Variants in ATXN10 observed in about 807,000 individuals in gnomAD.
ATXN10 encodes ataxin-10.
A neutral mutation model predicts 52.9 loss-of-function variants in ATXN10; 28 were observed. The ratio of observed to expected loss-of-function variants is 0.53; its 90% CI spans 0.39 to 0.73. The LOEUF is 0.73. Ranked by LOEUF, ATXN10 falls within the 30% of genes least tolerant of loss-of-function variation. The pLI is 0.00. For synonymous variants in ATXN10, 226 were observed against 221.5 expected (o/e 1.02, Z -0.18); for missense variants, 565 against 577.0 (o/e 0.98, Z 0.21).
chr22:45,697,278 G>A (rs771692960), intron 3 of ATXN10, among the ~76,000 whole-genome samples: 1 of 151,926 alleles, frequency 6.6e-6, no homozygotes, highest in Non-Finnish European at 1.5e-5. Flanking sequence ...GGGATTACAG[G>A]CACCCACCAC....
At chr22:45,803,858 C>G (rs1928011469) in intron 9 of ATXN10, among the ~76,000 whole-genome samples, 1 of 152,002 alleles carries the variant, frequency 6.6e-6, no homozygotes, top group African/African-American at 2.4e-5. Context: ...TCATTACCAA[C>G]TTGGCCATAA....
At position 45,744,152 on chromosome 22, in the gene ATXN10, A is replaced by G. The variant is rs953426070; in HGVS notation, c.1173+3614A>G. Among the ~76,000 whole-genome samples, 5 of 152,146 alleles carry G rather than the reference A, an allele frequency of 3.3e-5. No homozygotes were observed. Among genetic ancestry groups the G allele is most frequent in the Admixed American group, 2.0e-4 (3 of 15,276 alleles). On this transcript the variant is annotated intron_variant, in intron 9 of 11. Coordinates refer to ENST00000252934, the MANE Select transcript of ATXN10 (RefSeq NM_013236.4). The surrounding 1 kb of genome is among the most constrained non-coding windows in gnomAD (Gnocchi z 4.9). ...GACGGGTAATTCAGGCAAGGTATTA[A>G]TATCTTCTGTGGAGCTTCCATTCTG...
intron 9 of ATXN10, among the ~76,000 whole-genome samples, chr22:45,751,852 T>G (rs1251943631): frequency 6.7e-6 from 1 of 149,474 alleles, no homozygotes; most frequent in African/African-American, 2.4e-5. Context: ...AGTTTTTTTT[T>G]TTTTTTTTTT....
At chr22:45,703,948 C>CA (rs201952652) in intron 5 of ATXN10, 1,536 of 152,406 alleles carry the variant, frequency 0.01, 30 homozygotes, top group African/African-American at 0.035. Context: ...AGGAGGATCA[C>CA]AAGCTATTCA....
At chr22:45,817,481 C>T (rs1928504211) in intron 10 of ATXN10, among the ~76,000 whole-genome samples, 1 of 152,000 alleles carries the variant, frequency 6.6e-6, no homozygotes, top group Non-Finnish European at 1.5e-5. Flanking sequence ...CATGCCACGA[C>T]GCCTGGCTAA....
At position 45,816,185 on chromosome 22, in the gene ATXN10, G is replaced by A. The variant is rs570497643; in HGVS notation, c.1237+9163G>A. On this transcript the variant is annotated intron_variant, in intron 10 of 11. Transcript: ENST00000252934. The surrounding 1 kb of genome is among the most constrained non-coding windows in gnomAD (Gnocchi z 5.8). ...GGAGAATCGCTTGAACCTGCAAGGC[G>A]CAGGTTGTAGTGAGCTGAGATTGTG... Among the ~76,000 whole-genome samples, 16 of 152,280 alleles carry A rather than the reference G, an allele frequency of 1.1e-4. No homozygotes were observed. In the South Asian group the frequency reaches 2.7e-3, roughly 26 times the overall value.
intron 9 of ATXN10, among the ~76,000 whole-genome samples, chr22:45,748,548 G>T (rs889456099): frequency 3.9e-5 from 6 of 152,156 alleles, no homozygotes; most frequent in Non-Finnish European, 7.3e-5. Flanking sequence ...AAGAGCTGAA[G>T]TGTTTTCCGC....
chr22:45,791,863 C>T (rs1242176476), intron 9 of ATXN10, among the ~76,000 whole-genome samples: 1 of 152,078 alleles, frequency 6.6e-6, no homozygotes, highest in African/African-American at 2.4e-5. Context: ...AATACATGTT[C>T]TGTTTCTTGA....
chr22:45,807,945 G>C (rs1345571372), intron 10 of ATXN10, among the ~76,000 whole-genome samples: 1 of 152,208 alleles, frequency 6.6e-6, no homozygotes, highest in South Asian at 2.1e-4. Context: ...GAAGAGAAAA[G>C]CAGCTGATGA....
chr22:45,729,077 G>A (rs1043688057), intron 6 of ATXN10, among the ~76,000 whole-genome samples: 1 of 152,204 alleles, frequency 6.6e-6, no homozygotes, highest in East Asian at 1.9e-4. Context: ...AATGGTGAAT[G>A]AATGTTAGCC....
intron 10 of ATXN10, among the ~76,000 whole-genome samples, chr22:45,834,039 C>G (rs1016763887): frequency 2.0e-5 from 3 of 152,190 alleles, no homozygotes; most frequent in African/African-American, 7.2e-5. Flanking sequence ...GGATTGAATG[C>G]TTTCACACTT....
At chr22:45,725,472 TG>T (rs1924831846) in intron 6 of ATXN10, among the ~76,000 whole-genome samples, 1 of 151,964 alleles carries the variant, frequency 6.6e-6, no homozygotes, top group Non-Finnish European at 1.5e-5. Context: ...GCTTAGTTAT[TG>T]TTGATGTATA....
At position 45,840,685 on chromosome 22, in the gene ATXN10, G is replaced by A. The variant is rs145219134; in HGVS notation, c.1238-2306G>A. 6.3e-4 allele frequency among the ~76,000 whole-genome samples: 96 copies of A among 152,322 alleles called. No homozygotes were observed. Among genetic ancestry groups the A allele is most frequent in the African/African-American group, 2.2e-3 (92 of 41,572 alleles). ...CCAGAGACATCCTGCGTTTGCTGCT[G>A]GCAGTGACGGTGCTGGCACCAGACT... On this transcript the variant is annotated intron_variant, in intron 10 of 11. Coordinates refer to ENST00000252934, the MANE Select transcript of ATXN10 (RefSeq NM_013236.4). The surrounding 1 kb of genome is among the most constrained non-coding windows in gnomAD (Gnocchi z 5.8).
chr22:45,680,628 A>AT (rs2146726496), intron 1 of ATXN10, among the ~76,000 whole-genome samples: 1 of 150,876 alleles, frequency 6.6e-6, no homozygotes, highest in East Asian at 2.0e-4. Context: ...GCTAATTAAA[A>AT]ATTTTTTTTT....
In ATXN10 at chr22:45,718,794, G is replaced by T. The variant is rs367621343; in HGVS notation, c.728+301G>T. Among the ~76,000 whole-genome samples the T allele has an allele frequency of 4.6e-5, 7 of 152,280 alleles. No individual in the cohort carries two copies. The highest frequency in any genetic ancestry group is 1.4e-4 in the African/African-American group (6 of 41,582). ...TTTTAGAATAGTAATTTATGTAACTGTGTATTACAGTTGAATATTTGAGGT... is the reference window on the plus strand; with the variant it reads ...TTTTAGAATAGTAATTTATGTAACTTTGTATTACAGTTGAATATTTGAGGT... On this transcript the variant is annotated intron_variant, in intron 6 of 11. Coordinates refer to ENST00000252934, the MANE Select transcript of ATXN10 (RefSeq NM_013236.4). The surrounding 1 kb of genome is among the most constrained non-coding windows in gnomAD (Gnocchi z 4.4).
intron 10 of ATXN10, among the ~76,000 whole-genome samples, chr22:45,817,318 CTTT>C (rs11326332): frequency 0.013 from 1,312 of 98,682 alleles, 20 homozygotes; most frequent in African/African-American, 0.047. Context: ...ATTGATTTAA[CTTT>C]TTTTTTTTTT....
intron 9 of ATXN10, among the ~76,000 whole-genome samples, chr22:45,793,973 C>T (rs1927615017): frequency 6.6e-6 from 1 of 152,230 alleles, no homozygotes; most frequent in East Asian, 1.9e-4. Context: ...AGAGACAGGT[C>T]TGCACTCATA....
intron 9 of ATXN10, among the ~76,000 whole-genome samples, chr22:45,796,476 T>C (rs1428436932): frequency 6.6e-6 from 1 of 152,128 alleles, no homozygotes; most frequent in African/African-American, 2.4e-5. Flanking sequence ...TGTACACCCC[T>C]CCCCTTTTGA....
chr22:45,729,707 T>G, intron 7 of ATXN10, 117 bp downstream of exon 7: 5 of 1,114,686 alleles, frequency 4.5e-6, no homozygotes, highest in Non-Finnish European at 6.6e-6. Flanking sequence ...ATGTAAGTAA[T>G]GTATCCATAT....
Sources: gnomAD v4.1 joint callset for allele counts (sites outside exome capture counted in the v4.1 genomes callset) on GRCh38, gnomAD v4.1.1 for gene constraint, Gnocchi (gnomAD v3.1) non-coding constraint, MANE v1.5 for transcripts, NCBI Gene and HGNC (gene_info 2026-07-23, HGNC 2026-07-21) for gene names.